OPCML: variants seen among roughly 807,000 people sequenced by gnomAD.
OPCML encodes the protein opioid-binding protein/cell adhesion molecule.
Under a neutral mutation model 37.8 loss-of-function variants are expected in OPCML, and 13 were observed. That is an observed-to-expected ratio of 0.34 (90% CI 0.22 to 0.55). The LOEUF (loss-of-function observed/expected upper bound fraction) is 0.55. OPCML is among the 20% of genes least tolerant of loss of function. OPCML has a pLI of 0.91. For missense variants in OPCML, 341 were observed against 435.6 expected, an observed-to-expected ratio of 0.78 and a Z score of 1.93; for synonymous variants, 176 against 168.8, an observed-to-expected ratio of 1.04 and a Z score of -0.33.
intron 7 of OPCML, among the ~76,000 whole-genome samples, chr11:132,421,044 C>T (rs1453383426): frequency 1.3e-5 from 2 of 152,088 alleles, no homozygotes; most frequent in East Asian, 3.9e-4. Context: ...TCAAGGTCCA[C>T]CGGGAAATAA....
chr11:133,085,486 T>C (rs901811811), intron 1 of OPCML, among the ~76,000 whole-genome samples: 1 of 152,336 alleles, frequency 6.6e-6, no homozygotes, highest in East Asian at 1.9e-4. Flanking sequence ...ACCCAGCACA[T>C]AGAGCAAAAA....
At chr11:132,443,762 A>G (rs1221599087) in intron 4 of OPCML, among the ~76,000 whole-genome samples, 1 of 152,162 alleles carries the variant, frequency 6.6e-6, no homozygotes, top group Non-Finnish European at 1.5e-5. Flanking sequence ...CCTCCTCCCC[A>G]CTGCTTCTTG....
At chr11:133,315,763 A>C (rs557589588) in intron 1 of OPCML, among the ~76,000 whole-genome samples, 2 of 152,112 alleles carry the variant, frequency 1.3e-5, no homozygotes, top group South Asian at 4.2e-4. Flanking sequence ...ATGCCACCAC[A>C]CTCCAGCCTG....
intron 1 of OPCML, among the ~76,000 whole-genome samples, chr11:132,971,257 G>C (rs1946336950): frequency 6.6e-6 from 1 of 152,130 alleles, no homozygotes; most frequent in Non-Finnish European, 1.5e-5. Context: ...GCACATAGTA[G>C]GTGATCAGTA....
chr11:132,719,406 T>C (rs1432144023), intron 2 of OPCML, among the ~76,000 whole-genome samples: 1 of 152,220 alleles, frequency 6.6e-6, no homozygotes, highest in Non-Finnish European at 1.5e-5. Context: ...CTGAGGTCAA[T>C]GTGTCAACGC....
intron 2 of OPCML, among the ~76,000 whole-genome samples, chr11:132,680,057 C>A (rs1273239651): frequency 6.6e-6 from 1 of 152,012 alleles, no homozygotes; most frequent in Non-Finnish European, 1.5e-5. Flanking sequence ...CACATGTATT[C>A]CAGAATGTGC....
At chr11:133,294,815 C>CTTTTTTTTTTTTTT (rs59382534) in intron 1 of OPCML, among the ~76,000 whole-genome samples, 8 of 56,548 alleles carry the variant, frequency 1.4e-4, no homozygotes, top group Non-Finnish European at 1.9e-4. Context: ...TTCTTTCTTT[C>CTTTTTTTTTTTTTT]TTTTTTTTTT....
chr11:133,119,985 T>A (rs963685054), intron 1 of OPCML, among the ~76,000 whole-genome samples: 4 of 152,098 alleles, frequency 2.6e-5, no homozygotes, highest in Admixed American at 2.6e-4. Flanking sequence ...AAATGAAAGC[T>A]CTAGGTCCAT....
At chr11:133,257,440 G>A (rs185809910) in intron 1 of OPCML, among the ~76,000 whole-genome samples, 9 of 152,290 alleles carry the variant, frequency 5.9e-5, no homozygotes, top group African/African-American at 1.9e-4. Flanking sequence ...TAGGAATCAC[G>A]CTGCATTACG....
chr11:133,449,558 G>T (rs906045902), intron 1 of OPCML, among the ~76,000 whole-genome samples: 2 of 151,914 alleles, frequency 1.3e-5, no homozygotes, highest in Non-Finnish European at 2.9e-5. Flanking sequence ...TGAAATCAAG[G>T]TTCCAAAGGC....
intron 3 of OPCML, among the ~76,000 whole-genome samples, chr11:132,641,990 A>G (rs894054129): frequency 1.3e-5 from 2 of 152,180 alleles, no homozygotes; most frequent in Non-Finnish European, 2.9e-5. Context: ...TTGAAACTAG[A>G]GAATAGGCCG....
rs565806407 is a variant in OPCML at position 133,237,276 on chromosome 11, G to C, written c.62-294266C>G. Among the ~76,000 whole-genome samples the C allele has an allele frequency of 4.5e-4, 68 of 152,312 alleles. 2 individuals are homozygous for C. Among genetic ancestry groups the C allele is most frequent in the African/African-American group, 1.6e-3 (67 of 41,570 alleles). On this transcript the variant is annotated intron_variant, in intron 1 of 7. Coordinates refer to ENST00000524381, the MANE Select transcript of OPCML (RefSeq NM_001012393.5). ...ACCCAGAATTTGTACACCCTGGGGT[G>C]GGGGGTGGAGCCCACATGCCCCGGC...
rs1430299480 is a variant in OPCML at position 133,374,390 on chromosome 11, G to A, written c.61+157874C>T. Among the ~76,000 whole-genome samples, 4 of 152,256 alleles carry A rather than the reference G, an allele frequency of 2.6e-5. No homozygotes were observed. The East Asian group carries it at 5.8e-4, about 22-fold the overall frequency. The stretch of plus-strand genomic sequence containing the variant: ...GCATGAGGAAACGTTTGGGAATAAT[G>A]GATATCTTCACTATATTGGTTGTGA... On this transcript the variant is annotated intron_variant, in intron 1 of 7. Coordinates refer to ENST00000524381, the MANE Select transcript of OPCML (RefSeq NM_001012393.5).
At chr11:132,822,490 G>A (rs1164064840) in intron 2 of OPCML, among the ~76,000 whole-genome samples, 2 of 152,076 alleles carry the variant, frequency 1.3e-5, no homozygotes, top group African/African-American at 4.8e-5. Flanking sequence ...TGTGACAGCT[G>A]ACAGGAGAGT....
intron 3 of OPCML, among the ~76,000 whole-genome samples, chr11:132,644,229 T>G (rs1482651367): frequency 6.6e-6 from 1 of 152,026 alleles, no homozygotes; most frequent in Non-Finnish European, 1.5e-5. Flanking sequence ...AATACAAAAA[T>G]AGCTGGGTGT....
At chr11:133,018,907 G>A (rs1312349044) in intron 1 of OPCML, among the ~76,000 whole-genome samples, 1 of 152,230 alleles carries the variant, frequency 6.6e-6, no homozygotes, top group East Asian at 1.9e-4. Flanking sequence ...CCGCTCCCAT[G>A]AGCCACAGGG....
chr11:133,485,411 T>G lies in OPCML; in HGVS notation c.61+46853A>C, dbSNP rs139577074. On this transcript the variant is annotated intron_variant, in intron 1 of 7. Transcript: ENST00000524381. ...CCTGAATGAACAGGGAAGTCACCCA[T>G]GATGAACTAACTCTTGCTGCTGTAA... is the stretch of plus-strand genomic sequence containing the variant. 1.9e-3 allele frequency among the ~76,000 whole-genome samples: 285 copies of G among 152,314 alleles called. 1 individual carries two copies. Among genetic ancestry groups the G allele is most frequent in the Non-Finnish European group, 3.0e-3 (202 of 68,010 alleles).
chr11:133,479,621 G>A (rs937893777), intron 1 of OPCML, among the ~76,000 whole-genome samples: 9 of 152,154 alleles, frequency 5.9e-5, no homozygotes, highest in African/African-American at 2.2e-4. Context: ...ATCCTACAGT[G>A]ACTCAGGTCA....
intron 1 of OPCML, among the ~76,000 whole-genome samples, chr11:133,255,776 G>A (rs754107528): frequency 6.6e-6 from 1 of 151,958 alleles, no homozygotes; most frequent in South Asian, 2.1e-4. Flanking sequence ...AGATAAGCAG[G>A]CACTTTTAAG....
Sources: gnomAD v4.1 joint callset for allele counts (sites outside exome capture counted in the v4.1 genomes callset) on GRCh38, gnomAD v4.1.1 for gene constraint, MANE v1.5 for transcripts, NCBI Gene and HGNC (gene_info 2026-07-23, HGNC 2026-07-21) for gene names.